The following TCTN3 variants were observed in gnomAD, a reference collection of about 807,000 sequenced individuals.
The protein encoded by TCTN3 is tectonic family member 3.
In TCTN3, 57 loss-of-function variants were observed where a neutral mutation model predicts 71.3. The observed-to-expected ratio is 0.80, with a 90% CI of 0.65 to 1.00. The LOEUF (loss-of-function observed/expected upper bound fraction) is 1.00. Among genes scored for constraint, TCTN3 ranks in the 50% least tolerant of loss-of-function variants. The pLI is 0.00. For missense variants in TCTN3, 696 were observed against 719.9 expected (o/e 0.97, Z 0.38); for synonymous variants, 258 against 267.8 (o/e 0.96, Z 0.36).
In TCTN3 at chr10:95,682,815, A is replaced by G. The variant is rs532774999; in HGVS notation, c.1299-11T>C. The G allele has an allele frequency of 5.8e-5, 94 of 1,612,814 alleles. No homozygotes were observed. Among genetic ancestry groups the G allele is most frequent in the Admixed American group, 5.4e-4 (32 of 59,734 alleles). On this transcript the variant is annotated splice_polypyrimidine_tract_variant and intron_variant, in intron 11 of 13. Coordinates refer to ENST00000371217, the MANE Select transcript of TCTN3 (RefSeq NM_015631.6). ...TCTGCCTTCTTCAACCTATAATTAA[A>G]CACCATGGAGGCTGCAGTCCAATGC...
At position 95,678,062 on chromosome 10, in the gene TCTN3, A is replaced by G. The variant is rs544268696; in HGVS notation, c.1590+2410T>C. ...TTAGATATTCTAAGCTGACCAACAC[A>G]GCCTAGGTAAGAATATTATAAACTA... On this transcript the variant is annotated intron_variant, in intron 13 of 13. Transcript: ENST00000371217. Among the ~76,000 whole-genome samples the G allele has an allele frequency of 3.1e-4, 47 of 152,354 alleles. 1 individual carries two copies. The highest frequency in any genetic ancestry group is 1.1e-3 in the African/African-American group (44 of 41,584).
At chr10:95,688,175 G>A (rs372581805) in intron 3 of TCTN3, among the ~76,000 whole-genome samples, 18 of 152,098 alleles carry the variant, frequency 1.2e-4, no homozygotes, top group East Asian at 9.7e-4. Flanking sequence ...GATCACCTGA[G>A]GTCAGGAGTT....
intron 13 of TCTN3, among the ~76,000 whole-genome samples, chr10:95,669,605 C>A (rs2097928858): frequency 2.6e-5 from 4 of 152,202 alleles, no homozygotes; most frequent in Admixed American, 2.6e-4. Flanking sequence ...TGTCTATCTG[C>A]TTCACCTCTC....
intron 13 of TCTN3, among the ~76,000 whole-genome samples, chr10:95,679,131 T>G (rs1267971996): frequency 6.6e-6 from 1 of 152,192 alleles, no homozygotes; most frequent in African/African-American, 2.4e-5. Context: ...TGTGGTTTTG[T>G]AGCGGGGACA....
At chr10:95,679,869 C>T (rs1353837158) in intron 13 of TCTN3, among the ~76,000 whole-genome samples, 6 of 152,074 alleles carry the variant, frequency 3.9e-5, no homozygotes, top group Non-Finnish European at 5.9e-5. Flanking sequence ...GGATTACAGG[C>T]GTGAGCCACC....
chr10:95,679,822 C>T (rs1393491597), intron 13 of TCTN3, among the ~76,000 whole-genome samples: 1 of 151,896 alleles, frequency 6.6e-6, no homozygotes, highest in Non-Finnish European at 1.5e-5. Context: ...GATCTCCTGA[C>T]CTCGTGATCC....
chr10:95,663,630 CCAAA>C lies in TCTN3; in HGVS notation c.*433_*436del, dbSNP rs2097923576. 6.2e-6 allele frequency: 1 copy of C among 160,066 alleles called. No homozygotes were observed. The allele number at this position is 160,066 out of a possible 1,614,324, so 9.9% of individuals were successfully genotyped here. Reference sequence around the variant, plus strand: ...AATCAACAGCCAGCAGTTTTCTGTTCCAAACAGTTAGCTCCTCTACAGTCCAGAG... The same window carrying C: ...AATCAACAGCCAGCAGTTTTCTGTTCCAGTTAGCTCCTCTACAGTCCAGAG... On this transcript the variant is annotated 3_prime_UTR_variant, in exon 14 of 14. Coordinates refer to ENST00000371217, the MANE Select transcript of TCTN3 (RefSeq NM_015631.6).
chr10:95,663,964 A>G lies in TCTN3; in HGVS notation c.*103T>C. ...TTCAGTTAGGTCCTCTATTATCCTA[A>G]ATGCTCTCTGGTCATGAGCAGGTGA... On this transcript the variant is annotated 3_prime_UTR_variant, in exon 14 of 14. Coordinates refer to ENST00000371217, the MANE Select transcript of TCTN3 (RefSeq NM_015631.6). 1 of 890,848 alleles carries G rather than the reference A, an allele frequency of 1.1e-6. No individual in the cohort carries two copies. Among genetic ancestry groups the G allele is most frequent in the Non-Finnish European group, 1.8e-6 (1 of 552,140 alleles). The allele number at this position is 890,848 out of a possible 1,614,324, so 55.2% of individuals were successfully genotyped here. A position where few individuals can be genotyped will look rare whatever the true frequency, so the allele number is the denominator to read the frequency against.
At chr10:95,681,648 C>A (rs2097943133) in intron 12 of TCTN3, among the ~76,000 whole-genome samples, 2 of 152,124 alleles carry the variant, frequency 1.3e-5, no homozygotes, top group Non-Finnish European at 2.9e-5. Context: ...AAAGGCATAT[C>A]ATTCTATATG....
intron 13 of TCTN3, among the ~76,000 whole-genome samples, chr10:95,679,823 C>G (rs1267247102): frequency 6.6e-5 from 10 of 151,914 alleles, no homozygotes; most frequent in Non-Finnish European, 1.0e-4. Context: ...ATCTCCTGAC[C>G]TCGTGATCCG....
chr10:95,692,999 GA>G lies in TCTN3; in HGVS notation c.419del (p.Phe140SerfsTer25). The part of the protein sequence containing the change: ...SWVCVDNSVI[F>X]RSNSPFPSRV... ...TTGAAGGAAACGGGGAATTACTCCT[GA>G]AGATAACAGAGTTGTCTACACAAAC... On this transcript the variant is annotated frameshift_variant, in exon 3 of 14. Transcript: ENST00000371217. LOFTEE classifies it high-confidence loss of function. 6.2e-7 allele frequency: 1 copy of G among 1,613,938 alleles called. No individual in the cohort carries two copies. Among genetic ancestry groups the G allele is most frequent in the South Asian group, 1.1e-5 (1 of 91,066 alleles).
At chr10:95,690,222 A>G (rs909334196) in intron 3 of TCTN3, among the ~76,000 whole-genome samples, 2 of 152,072 alleles carry the variant, frequency 1.3e-5, no homozygotes, top group African/African-American at 2.4e-5. Flanking sequence ...GGGCTCATGC[A>G]ATCCTCCTGC....
intron 3 of TCTN3, among the ~76,000 whole-genome samples, chr10:95,688,300 G>A (rs2097950362): frequency 7.0e-6 from 1 of 142,380 alleles, no homozygotes; most frequent in African/African-American, 2.6e-5. Context: ...TAAGGCAGAA[G>A]AATTGCTTGA....
At chr10:95,665,249 T>C (rs2097924617) in intron 13 of TCTN3, among the ~76,000 whole-genome samples, 1 of 151,862 alleles carries the variant, frequency 6.6e-6, no homozygotes, top group Non-Finnish European at 1.5e-5. Flanking sequence ...ACTAAGACTA[T>C]ACGAGTGCAC....
At chr10:95,685,673 G>C (rs1457791900) in intron 7 of TCTN3, 37 bp from the exon 8 acceptor site, 5 of 1,496,422 alleles carry the variant, frequency 3.3e-6, no homozygotes, top group African/African-American at 1.4e-5. Context: ...TAAAACTGAA[G>C]GCGGTATTTT....
chr10:95,680,152 T>C (rs183822555), intron 13 of TCTN3, among the ~76,000 whole-genome samples: 2 of 152,256 alleles, frequency 1.3e-5, no homozygotes, highest in East Asian at 1.9e-4. Flanking sequence ...GATTGAACAA[T>C]TATGGAAGGT....
chr10:95,681,733 A>G (rs2097943216), intron 12 of TCTN3, among the ~76,000 whole-genome samples: 2 of 152,218 alleles, frequency 1.3e-5, no homozygotes, highest in Non-Finnish European at 2.9e-5. Context: ...ATTACAATAG[A>G]AAGAGCACAA....
chr10:95,667,616 G>C (rs1049781671), intron 13 of TCTN3, among the ~76,000 whole-genome samples: 4 of 152,278 alleles, frequency 2.6e-5, no homozygotes, highest in African/African-American at 9.6e-5. Flanking sequence ...AGAAATTCTG[G>C]ATTCAGGGAC....
chr10:95,668,278 A>C (rs2097927593), intron 13 of TCTN3, among the ~76,000 whole-genome samples: 1 of 149,528 alleles, frequency 6.7e-6, no homozygotes, highest in Non-Finnish European at 1.5e-5. Context: ...AAAAAGAGAT[A>C]TCAGAGAAAA....
Sources: gnomAD v4.1 joint callset for allele counts (sites outside exome capture counted in the v4.1 genomes callset) on GRCh38, gnomAD v4.1.1 for gene constraint, MANE v1.5 for transcripts, NCBI Gene and HGNC (gene_info 2026-07-23, HGNC 2026-07-21) for gene names.